INPP5A: variants seen among roughly 807,000 people sequenced by gnomAD.
INPP5A encodes 43 kDa inositol polyphosphate 5-phophatase.
In INPP5A, 14 loss-of-function variants were observed where a neutral mutation model predicts 65.2. The ratio of observed to expected loss-of-function variants is 0.21; its 90% CI spans 0.14 to 0.34. The LOEUF is 0.34. Among genes scored for constraint, INPP5A ranks in the 10% least tolerant of loss-of-function variants. The probability of loss-of-function intolerance (pLI) is 1.00; values close to 1 mark genes in which losing one functional copy is unlikely to be tolerated. For missense variants in INPP5A, 431 were observed against 545.6 expected (o/e 0.79, Z 2.09); for synonymous variants, 207 against 208.3 (o/e 0.99, Z 0.05).
chr10:132,616,339 G>C lies in INPP5A; in HGVS notation c.117+8383G>C, dbSNP rs1158585569. 1.3e-5 allele frequency among the ~76,000 whole-genome samples: 2 copies of C among 152,094 alleles called. No individual in the cohort carries two copies. ...GGCATGTGGCGTGCAGGGACGCCGTGGGCGTGGTGTGGGGCACGTGGCGTG... is the reference window on the plus strand; with the variant it reads ...GGCATGTGGCGTGCAGGGACGCCGTCGGCGTGGTGTGGGGCACGTGGCGTG... On this transcript the variant is annotated intron_variant, in intron 2 of 15. Coordinates refer to ENST00000368594, the MANE Select transcript of INPP5A (RefSeq NM_005539.5). The surrounding 1 kb of genome is among the most constrained non-coding windows in gnomAD (Gnocchi z 4.9).
chr10:132,743,391 C>G (rs1846311266), intron 9 of INPP5A, among the ~76,000 whole-genome samples: 1 of 140,094 alleles, frequency 7.1e-6, no homozygotes, highest in Admixed American at 7.0e-5. Flanking sequence ...TCAGCCCCAG[C>G]AGGGACCAGG....
At chr10:132,620,822 A>G (rs1564937410) in intron 2 of INPP5A, among the ~76,000 whole-genome samples, 1 of 152,250 alleles carries the variant, frequency 6.6e-6, no homozygotes, top group Non-Finnish European at 1.5e-5. Flanking sequence ...CAGAGCCTTT[A>G]GAAGAAGACT....
At chr10:132,628,472 G>GA (rs935361636) in intron 2 of INPP5A, among the ~76,000 whole-genome samples, 4 of 150,340 alleles carry the variant, frequency 2.7e-5, no homozygotes, top group Non-Finnish European at 5.9e-5. Context: ...GCGGGGGGGG[G>GA]GGGGGGCGTG....
At chr10:132,572,097 A>C (rs946258373) in intron 1 of INPP5A, among the ~76,000 whole-genome samples, 30 of 152,230 alleles carry the variant, frequency 2.0e-4, no homozygotes, top group Non-Finnish European at 3.4e-4. Flanking sequence ...TTGACAGCTC[A>C]TGTCTGGCAC....
At chr10:132,710,719 A>G (rs1845621218) in intron 8 of INPP5A, among the ~76,000 whole-genome samples, 1 of 141,918 alleles carries the variant, frequency 7.0e-6, no homozygotes, top group African/African-American at 2.7e-5. Flanking sequence ...TGTGCTGGGC[A>G]GGTAGGTGTG....
At chr10:132,582,078 ATCTGCCCG>A (rs1381328678) in intron 1 of INPP5A, among the ~76,000 whole-genome samples, 9 of 152,016 alleles carry the variant, frequency 5.9e-5, no homozygotes, top group African/African-American at 1.7e-4. Flanking sequence ...TGACCTCATG[ATCTGCCCG>A]TCTCGGCCTC....
At chr10:132,690,484 T>C in intron 5 of INPP5A, 29 bp downstream of exon 5, 1 of 1,558,802 alleles carries the variant, frequency 6.4e-7, no homozygotes, top group Non-Finnish European at 8.8e-7. Flanking sequence ...TTCCGGGATT[T>C]TGTCTCGGCA....
At chr10:132,606,995 C>T (rs1032095821) in intron 1 of INPP5A, among the ~76,000 whole-genome samples, 2 of 152,188 alleles carry the variant, frequency 1.3e-5, no homozygotes, top group African/African-American at 4.8e-5. Flanking sequence ...TGTCCCCTCA[C>T]GGTGGGCGAT....
At position 132,675,387 on chromosome 10, in the gene INPP5A, G is replaced by A. The variant is rs1342399803; in HGVS notation, c.307-15005G>A. On this transcript the variant is annotated intron_variant, in intron 4 of 15. Coordinates refer to ENST00000368594, the MANE Select transcript of INPP5A (RefSeq NM_005539.5). This position sits in a 1 kb window ranked among gnomAD's most constrained non-coding sequence, Gnocchi z 4.2. ...AAGTACTAACGGATGTTCTTCAAGCGGAGAGAAAATGATCTCATATGAAGT... is the reference window on the plus strand; with the variant it reads ...AAGTACTAACGGATGTTCTTCAAGCAGAGAGAAAATGATCTCATATGAAGT... Among the ~76,000 whole-genome samples, 1 of 152,228 alleles carries A rather than the reference G, an allele frequency of 6.6e-6. No individual in the cohort carries two copies. Among genetic ancestry groups the A allele is most frequent in the Non-Finnish European group, 1.5e-5 (1 of 68,046 alleles).
At chr10:132,562,963 C>A (rs2071224642) in intron 1 of INPP5A, among the ~76,000 whole-genome samples, 1 of 152,204 alleles carries the variant, frequency 6.6e-6, no homozygotes, top group South Asian at 2.1e-4. Flanking sequence ...CCTGGCCATG[C>A]CGGCTGCTCT....
Position 132,627,550 on chromosome 10 carries a change from C to G in INPP5A, c.118-18318C>G, listed in dbSNP as rs1201716306. Among the ~76,000 whole-genome samples, 1 of 152,232 alleles carries G rather than the reference C, an allele frequency of 6.6e-6. No homozygotes were observed. Among genetic ancestry groups the G allele is most frequent in the Non-Finnish European group, 1.5e-5 (1 of 68,040 alleles). On this transcript the variant is annotated intron_variant, in intron 2 of 15. Coordinates refer to ENST00000368594, the MANE Select transcript of INPP5A (RefSeq NM_005539.5). This position sits in a 1 kb window ranked among gnomAD's most constrained non-coding sequence, Gnocchi z 6.6. ...CCAGTGCCTGGTCTGTCCCGACTCC[C>G]TCTGTGTCCCCAGCTGCCAGCAACG...
intron 11 of INPP5A, 27 bp from the exon 12 acceptor site, chr10:132,765,744 CTT>C (rs756474565): frequency 4.8e-6 from 7 of 1,463,532 alleles, no homozygotes; most frequent in South Asian, 2.3e-5. Flanking sequence ...ACCAATGTGA[CTT>C]TATTTTCTGC....
chr10:132,697,874 G>A lies in INPP5A; in HGVS notation c.429G>A (p.Thr143=), dbSNP rs745481686. Reference sequence around the variant, plus strand: ...TCTACTCGGATACCTTAGAGAGCACGCCCATGCTGGAGAAGGAGAAGTTTC... The same window carrying A: ...TCTACTCGGATACCTTAGAGAGCACACCCATGCTGGAGAAGGAGAAGTTTC... ...KEIYSDTLES[T]PMLEKEKFPQ... Residue 143 remains threonine, a synonymous_variant, in exon 6 of 16, where the codon ACG becomes ACA. Coordinates refer to ENST00000368594, the MANE Select transcript of INPP5A (RefSeq NM_005539.5). The surrounding 1 kb of genome is among the most constrained non-coding windows in gnomAD (Gnocchi z 5.6). 6.8e-6 allele frequency: 11 copies of A among 1,613,828 alleles called. No homozygotes were observed. Among genetic ancestry groups the A allele is most frequent in the South Asian group, 4.4e-5 (4 of 91,056 alleles).
intron 3 of INPP5A, among the ~76,000 whole-genome samples, chr10:132,646,808 C>T (rs1475460753): frequency 6.6e-6 from 1 of 152,220 alleles, no homozygotes; most frequent in Non-Finnish European, 1.5e-5. Flanking sequence ...GACGCCGCTG[C>T]CACACACTGT....
intron 11 of INPP5A, among the ~76,000 whole-genome samples, chr10:132,764,961 C>T (rs559214463): frequency 1.5e-4 from 21 of 137,690 alleles, no homozygotes; most frequent in African/African-American, 4.8e-4. Context: ...GGAACACGGT[C>T]GGGTCAGTCC....
intron 1 of INPP5A, among the ~76,000 whole-genome samples, chr10:132,579,170 G>A (rs1478554898): frequency 6.6e-6 from 1 of 152,062 alleles, no homozygotes; most frequent in African/African-American, 2.4e-5. Flanking sequence ...CCGGTTGCGG[G>A]CTCCAAGCTG....
intron 6 of INPP5A, among the ~76,000 whole-genome samples, chr10:132,702,881 C>T (rs550833227): frequency 2.0e-4 from 30 of 152,254 alleles, no homozygotes; most frequent in African/African-American, 4.6e-4. Context: ...TGGGGTGGGC[C>T]GGGGCACTTG....
intron 4 of INPP5A, among the ~76,000 whole-genome samples, chr10:132,658,669 G>A (rs1458207517): frequency 6.6e-6 from 1 of 152,128 alleles, no homozygotes; most frequent in Non-Finnish European, 1.5e-5. Flanking sequence ...GTGCCCGGGT[G>A]TCTGCAAGCT....
intron 1 of INPP5A, among the ~76,000 whole-genome samples, chr10:132,605,127 G>A (rs559675865): frequency 1.3e-5 from 2 of 150,418 alleles, no homozygotes; most frequent in African/African-American, 4.9e-5. Context: ...GGAAGGGACT[G>A]GGGATGGGGA....
Sources: allele counts gnomAD v4.1 joint callset (sites outside exome capture counted in the v4.1 genomes callset), GRCh38; gene constraint gnomAD v4.1.1; non-coding constraint Gnocchi (gnomAD v3.1); transcripts MANE v1.5; gene names NCBI Gene and HGNC (gene_info 2026-07-23, HGNC 2026-07-21).